RPA1: variants seen among roughly 807,000 people sequenced by gnomAD.
The protein encoded by RPA1 is replication protein A1.
Under a neutral mutation model 83.0 loss-of-function variants are expected in RPA1, and 49 were observed. The ratio of observed to expected loss-of-function variants is 0.59; its 90% confidence interval spans 0.47 to 0.75. RPA1 has a LOEUF of 0.75. RPA1 is among the 30% of genes least tolerant of loss of function. The pLI, the probability that RPA1 is intolerant of heterozygous loss-of-function variation, is 0.00. For synonymous variants in RPA1, 279 were observed against 281.8 expected (o/e 0.99, Z 0.10); for missense variants, 693 against 776.1 (o/e 0.89, Z 1.27).
chr17:1,874,076 G>A (rs1455445414), intron 6 of RPA1, among the ~76,000 whole-genome samples: 1 of 147,674 alleles, frequency 6.8e-6, no homozygotes, highest in Non-Finnish European at 1.5e-5. Flanking sequence ...TTTGAAGAGA[G>A]TGGTGAAATA....
At chr17:1,831,041 C>G (rs1911547481) in intron 1 of RPA1, among the ~76,000 whole-genome samples, 2 of 152,140 alleles carry the variant, frequency 1.3e-5, no homozygotes, top group African/African-American at 2.4e-5. Context: ...GCTGGAATTA[C>G]AGGCATGAAC....
In RPA1 at chr17:1,855,069, A is replaced by T. The variant is rs142425262; in HGVS notation, c.361+1880A>T. Among the ~76,000 whole-genome samples the T allele has an allele frequency of 2.8e-3, 425 of 152,308 alleles. 3 individuals carry two copies. Among genetic ancestry groups the T allele is most frequent in the South Asian group, 0.021 (100 of 4,824 alleles). On this transcript the variant is annotated intron_variant, in intron 5 of 16. Transcript: ENST00000254719. ...CCTAGTTGGTGAGGGCTTTCATCAGAAATGGATGGTGAGTTTTGTCAAATG... is the reference window on the plus strand; with the variant it reads ...CCTAGTTGGTGAGGGCTTTCATCAGTAATGGATGGTGAGTTTTGTCAAATG...
chr17:1,853,209 G>T lies in RPA1; in HGVS notation c.361+20G>T, dbSNP rs778741275. On this transcript the variant is annotated intron_variant, in intron 5 of 16. Transcript: ENST00000254719. ...ATGAAGGTAAAATGCTTTGGCGTAG[G>T]TTGTAGCACTCAAATGAATACCTCT... The T allele has an allele frequency of 5.6e-5, 89 of 1,576,204 alleles. No homozygotes were observed. Among genetic ancestry groups the T allele is most frequent in the Admixed American group, 1.8e-4 (11 of 59,846 alleles).
intron 4 of RPA1, 122 bp from the exon 5 acceptor site, chr17:1,852,979 G>GTAAACAGAT: frequency 1.4e-6 from 1 of 740,642 alleles, no homozygotes; most frequent in Non-Finnish European, 2.3e-6. Flanking sequence ...AAATATTTAT[G>GTAAACAGAT]TAAACAGATG....
chr17:1,877,110 A>G, intron 7 of RPA1, 102 bp from the exon 8 acceptor site: 1 of 1,080,786 alleles, frequency 9.3e-7, no homozygotes, highest in Non-Finnish European at 1.4e-6. Context: ...AGGTTGGAAA[A>G]CGGAATATGC....
chr17:1,896,982 TG>T, intron 16 of RPA1, 88 bp from the exon 17 acceptor site: 1 of 1,054,682 alleles, frequency 9.5e-7, no homozygotes, highest in Non-Finnish European at 1.4e-6. Flanking sequence ...TCCCTCCCGC[TG>T]GGCTCACTGA....
At chr17:1,863,076 T>C (rs978000915) in intron 5 of RPA1, among the ~76,000 whole-genome samples, 1 of 151,834 alleles carries the variant, frequency 6.6e-6, no homozygotes, top group African/African-American at 2.4e-5. Flanking sequence ...CAGGCTGGAG[T>C]GCAGTGGCTC....
At chr17:1,876,717 G>A (rs1452413521) in intron 7 of RPA1, among the ~76,000 whole-genome samples, 1 of 152,180 alleles carries the variant, frequency 6.6e-6, no homozygotes, top group East Asian at 1.9e-4. Context: ...TGTGCCCTGT[G>A]CCTCCTTTTT....
At chr17:1,853,480 C>A (rs1030408809) in intron 5 of RPA1, among the ~76,000 whole-genome samples, 1 of 152,108 alleles carries the variant, frequency 6.6e-6, no homozygotes, top group Admixed American at 6.5e-5. Flanking sequence ...GTCAGGAGTT[C>A]GAGACCAGTC....
intron 13 of RPA1, among the ~76,000 whole-genome samples, chr17:1,885,343 G>T (rs552863871): frequency 1.3e-5 from 2 of 152,036 alleles, no homozygotes; most frequent in South Asian, 2.1e-4. Context: ...CGTTATTTTC[G>T]TCACATCTAC....
chr17:1,859,287 CAG>C lies in RPA1; in HGVS notation c.361+6101_361+6102del, dbSNP rs559330840. ...AAAGAATGTGTATTCTGTTGTTGGG[CAG>C]AGTCTTACAAATGTCAATTAGGTCG... On this transcript the variant is annotated intron_variant, in intron 5 of 16. Coordinates refer to ENST00000254719, the MANE Select transcript of RPA1 (RefSeq NM_002945.5). 1.9e-4 allele frequency among the ~76,000 whole-genome samples: 29 copies of C among 152,240 alleles called. 1 individual carries two copies. Among genetic ancestry groups the C allele is most frequent in the Admixed American group, 7.2e-4 (11 of 15,270 alleles).
Position 1,897,213 on chromosome 17 carries a change from G to C in RPA1, c.*38G>C. ...CAATCGGGCAGAAGTTTGCAAATAG[G>C]CAGAATGGAATCGATTTCCTCCCAC... On this transcript the variant is annotated 3_prime_UTR_variant, in exon 17 of 17. Transcript: ENST00000254719. 6.9e-7 allele frequency: 1 copy of C among 1,455,658 alleles called. No homozygotes were observed. Among genetic ancestry groups the C allele is most frequent in the East Asian group, 2.5e-5 (1 of 40,444 alleles). 90.2% of individuals were successfully genotyped at this position (1,455,658 alleles called of 1,614,324 possible). A position where few individuals can be genotyped will look rare whatever the true frequency, so the allele number is the denominator to read the frequency against.
At chr17:1,891,421 A>T (rs1914196050) in intron 14 of RPA1, among the ~76,000 whole-genome samples, 1 of 151,720 alleles carries the variant, frequency 6.6e-6, no homozygotes, top group African/African-American at 2.4e-5. Context: ...AGCCAGCTGC[A>T]CCTCGACAGG....
At chr17:1,880,846 A>C (rs958370940) in intron 12 of RPA1, among the ~76,000 whole-genome samples, 155 bp downstream of exon 12, 2 of 152,140 alleles carry the variant, frequency 1.3e-5, no homozygotes, top group Non-Finnish European at 2.9e-5. Context: ...TTCTGTGAGG[A>C]GGGCTTTAAA....
chr17:1,847,019 G>A (rs74849642), intron 4 of RPA1, among the ~76,000 whole-genome samples: 358 of 152,076 alleles, frequency 2.4e-3, no homozygotes, highest in Non-Finnish European at 3.2e-3. Flanking sequence ...TCATATAGTC[G>A]TACTTATTTT....
intron 13 of RPA1, among the ~76,000 whole-genome samples, chr17:1,885,541 A>G (rs1913958302): frequency 6.6e-6 from 1 of 152,010 alleles, no homozygotes; most frequent in Non-Finnish European, 1.5e-5. Context: ...GCTTGATCAC[A>G]GCTCACTGCA....
chr17:1,873,992 C>CA (rs71150832), intron 6 of RPA1, among the ~76,000 whole-genome samples: 2,000 of 45,190 alleles, frequency 0.044, 84 homozygotes, highest in East Asian at 0.13. Flanking sequence ...GACTCTGTCT[C>CA]AAAAAAAAAA....
chr17:1,850,017 C>G (rs1257255754), intron 4 of RPA1, among the ~76,000 whole-genome samples: 1 of 151,476 alleles, frequency 6.6e-6, no homozygotes, highest in African/African-American at 2.4e-5. Context: ...ACTGAAAATA[C>G]AAAAATTAGC....
At chr17:1,875,047 A>G (rs1212217903) in intron 6 of RPA1, among the ~76,000 whole-genome samples, 1 of 152,218 alleles carries the variant, frequency 6.6e-6, no homozygotes, top group African/African-American at 2.4e-5. Flanking sequence ...TTAGGTTTGG[A>G]TTAAGGAGGC....
Sources: allele counts gnomAD v4.1 joint callset (sites outside exome capture counted in the v4.1 genomes callset), GRCh38; gene constraint gnomAD v4.1.1; transcripts MANE v1.5; gene names NCBI Gene and HGNC (gene_info 2026-07-23, HGNC 2026-07-21).